The following UBAP2 variants were observed in gnomAD, a reference collection of about 807,000 sequenced individuals.
UBAP2 encodes the protein ubiquitin-associated protein 2.
UBAP2 carries 75 observed loss-of-function variants against 139.6 expected under a neutral mutation model. The observed-to-expected ratio is 0.54, with a 90% CI of 0.45 to 0.65. The LOEUF (loss-of-function observed/expected upper bound fraction) is 0.65, where lower values mean the gene tolerates loss of function less well. UBAP2 is among the 30% of genes least tolerant of loss of function. The pLI, the probability that UBAP2 is intolerant of heterozygous loss-of-function variation, is 0.00. For synonymous variants in UBAP2, 526 were observed against 526.2 expected (o/e 1.00, Z 0.01); for missense variants, 1,368 against 1,369.6 (o/e 1.00, Z 0.02).
At chr9:34,002,000 G>C (rs142027964) in intron 2 of UBAP2, among the ~76,000 whole-genome samples, 15 of 150,826 alleles carry the variant, frequency 9.9e-5, no homozygotes, top group African/African-American at 3.4e-4. Context: ...GTTTCACTCT[G>C]TGTTGGAATG....
At chr9:34,012,116 A>G (rs1823802394) in intron 2 of UBAP2, among the ~76,000 whole-genome samples, 1 of 152,196 alleles carries the variant, frequency 6.6e-6, no homozygotes, top group South Asian at 2.1e-4. Flanking sequence ...ATAATTTTCA[A>G]ATATTCTTAT....
At chr9:33,974,952 G>A (rs1231999613) in intron 6 of UBAP2, among the ~76,000 whole-genome samples, 2 of 149,938 alleles carry the variant, frequency 1.3e-5, no homozygotes, top group African/African-American at 4.9e-5. Context: ...GGGGGGTGCG[G>A]GGGGGCGGGC....
intron 2 of UBAP2, among the ~76,000 whole-genome samples, chr9:34,000,053 T>A (rs1187140814): frequency 6.6e-6 from 1 of 152,072 alleles, no homozygotes; most frequent in African/African-American, 2.4e-5. Flanking sequence ...GTTCAAGCAA[T>A]TCTTCTGCCT....
At position 33,922,764 on chromosome 9, in the gene UBAP2, G is replaced by T. The variant is rs2130842958; in HGVS notation, c.3187C>A (p.Pro1063Thr). The T allele has an allele frequency of 6.4e-7, 1 of 1,561,046 alleles. No individual in the cohort carries two copies. Among genetic ancestry groups the T allele is most frequent in the Middle Eastern group, 1.7e-4 (1 of 5,750 alleles). The change falls in exon 28 of 29, where the codon CCA (proline) becomes ACA (threonine). Residue 1063 changes from proline (P) to threonine (T), a missense_variant. By Grantham distance (38) the Pro-to-Thr change is conservative. Coordinates refer to ENST00000379238, the MANE Select transcript of UBAP2 (RefSeq NM_001370062.2). ...SGAAPGYAPP[P>T]FLHILPAHQQ... is the part of the protein sequence containing the mutation. ...TGGGCTGGCAAGATGTGTAGGAATG[G>T]TGGGGGTGCATAGCCAGGGGCCGCT...
At chr9:33,983,687 G>A (rs1820961428) in intron 6 of UBAP2, among the ~76,000 whole-genome samples, 1 of 151,832 alleles carries the variant, frequency 6.6e-6, no homozygotes, top group Non-Finnish European at 1.5e-5. Context: ...TGTACTTCAG[G>A]GTTTAGGACC....
chr9:33,969,002 C>G (rs1461259690), intron 8 of UBAP2, among the ~76,000 whole-genome samples: 1 of 152,110 alleles, frequency 6.6e-6, no homozygotes, highest in Non-Finnish European at 1.5e-5. Context: ...TAGCATGTAC[C>G]TTAATTCCTT....
intron 1 of UBAP2, among the ~76,000 whole-genome samples, chr9:34,021,403 A>G (rs529597337): frequency 6.6e-6 from 1 of 152,198 alleles, no homozygotes; most frequent in South Asian, 2.1e-4. Context: ...GTCAGTATGA[A>G]TACACATTTT....
chr9:33,941,520 A>T (rs1825199721), intron 16 of UBAP2, 129 bp downstream of exon 16: 11 of 793,524 alleles, frequency 1.4e-5, no homozygotes. Context: ...TCAATGAACT[A>T]TAAGGATTCT....
chr9:34,025,598 G>A (rs530569110), intron 1 of UBAP2, among the ~76,000 whole-genome samples: 14 of 152,218 alleles, frequency 9.2e-5, no homozygotes, highest in Non-Finnish European at 1.0e-4. Flanking sequence ...TCCTATTAAC[G>A]ATTAAAGTGA....
chr9:33,989,205 T>A, intron 4 of UBAP2, 79 bp from the exon 5 acceptor site: 11 of 205,042 alleles, frequency 5.4e-5, no homozygotes, highest in Non-Finnish European at 6.7e-5. Flanking sequence ...GTATCTTTCT[T>A]TTTTTTTTTT....
At chr9:33,943,390 T>C in intron 15 of UBAP2, 30 bp downstream of exon 15, 1 of 1,609,882 alleles carries the variant, frequency 6.2e-7, no homozygotes, top group Non-Finnish European at 8.5e-7. Context: ...GGGTCTATTT[T>C]GCTTCATAAC....
intron 11 of UBAP2, among the ~76,000 whole-genome samples, chr9:33,954,265 T>TACAC (rs1491115319): frequency 2.7e-4 from 33 of 121,124 alleles, no homozygotes; most frequent in African/African-American, 9.5e-4. Flanking sequence ...TAAGTGTGTG[T>TACAC]ATATACACAC....
upstream of UBAP2, chr9:34,049,099 G>A (rs1424393475): frequency 6.6e-6 from 1 of 152,262 alleles, no homozygotes; most frequent in African/African-American, 2.4e-5. Context: ...AAATAAGGGA[G>A]ACTTGATAAT....
chr9:33,957,686 G>A (rs1456563628), intron 10 of UBAP2, among the ~76,000 whole-genome samples: 2 of 152,062 alleles, frequency 1.3e-5, no homozygotes, highest in African/African-American at 2.4e-5. Flanking sequence ...TGAAAGGCTG[G>A]AAAATGTTGA....
chr9:33,999,190 T>C (rs1822464876), intron 2 of UBAP2, among the ~76,000 whole-genome samples: 1 of 151,824 alleles, frequency 6.6e-6, no homozygotes, highest in African/African-American at 2.4e-5. Context: ...GAACAAAAAA[T>C]AATAAAATCT....
chr9:33,941,916 A>T (rs1349674910), intron 15 of UBAP2, 54 bp from the exon 16 acceptor site: 8 of 406,888 alleles, frequency 2.0e-5, no homozygotes, highest in Admixed American at 9.7e-5. Context: ...ATAGCTTCAT[A>T]AAAAAAAAAA....
intron 2 of UBAP2, among the ~76,000 whole-genome samples, chr9:34,000,548 T>A (rs1417077521): frequency 6.6e-6 from 1 of 152,182 alleles, no homozygotes; most frequent in Non-Finnish European, 1.5e-5. Context: ...AATCTAAAAT[T>A]ACTCCAAAAT....
In UBAP2 at chr9:33,923,011, G is replaced by A. The variant is rs148113281; in HGVS notation, c.3027C>T (p.Thr1009=). The change falls in exon 27 of 29, where the codon ACC becomes ACT. Residue 1009 remains threonine, a synonymous_variant. Coordinates refer to ENST00000379238, the MANE Select transcript of UBAP2 (RefSeq NM_001370062.2). ...PGKGVSVSSS[T]TGLPDMTGSV... ...AACCAGTCATATCAGGTAGACCAGTGGTGCTTGAAGACACTGATACTCCTA... is the reference window on the plus strand; with the variant it reads ...AACCAGTCATATCAGGTAGACCAGTAGTGCTTGAAGACACTGATACTCCTA... The A allele has an allele frequency of 3.2e-5, 52 of 1,614,150 alleles. No homozygotes were observed. The African/African-American group carries it at 6.0e-4, about 19-fold the overall frequency.
chr9:33,996,140 T>TA, intron 4 of UBAP2, 83 bp downstream of exon 4: 1 of 1,028,458 alleles, frequency 9.7e-7, no homozygotes, highest in Non-Finnish European at 1.5e-6. Flanking sequence ...ATTCCATCCC[T>TA]ACCCCCAAAC....
Sources: allele counts gnomAD v4.1 joint callset (sites outside exome capture counted in the v4.1 genomes callset), GRCh38; gene constraint gnomAD v4.1.1; transcripts MANE v1.5; gene names NCBI Gene and HGNC (gene_info 2026-07-23, HGNC 2026-07-21).